PDK2: variants seen among roughly 807,000 people sequenced by gnomAD.
PDK2 encodes the protein pyruvate dehydrogenase kinase 2, also known as pyruvate dehydrogenase kinase, isozyme 2.
PDK2 carries 34 observed loss-of-function variants against 50.4 expected under a neutral mutation model. The observed-to-expected ratio is 0.68, with a 90% confidence interval of 0.51 to 0.90. PDK2 has a LOEUF of 0.90. Among genes scored for constraint, PDK2 ranks in the 40% least tolerant of loss-of-function variants. The probability of loss-of-function intolerance (pLI) is 0.00; values close to 1 mark genes in which losing one functional copy is unlikely to be tolerated. For synonymous variants in PDK2, 232 were observed against 216.0 expected (o/e 1.07, Z -0.65); for missense variants, 377 against 544.5 (o/e 0.69, Z 3.06).
chr17:50,099,846 T>C (rs1345549825), intron 2 of PDK2, among the ~76,000 whole-genome samples: 1 of 152,248 alleles, frequency 6.6e-6, no homozygotes, highest in African/African-American at 2.4e-5. Flanking sequence ...GAGGGATTGC[T>C]AAAGCATCCC....
chr17:50,108,042 G>A (rs1208029034), intron 6 of PDK2, 114 bp from the exon 7 acceptor site: 9 of 789,056 alleles, frequency 1.1e-5, no homozygotes, highest in East Asian at 2.7e-5. Flanking sequence ...TTAGTCTCTC[G>A]CTGGGCAGCC....
intron 6 of PDK2, chr17:50,107,860 G>C (rs1313029104): frequency 2.3e-6 from 1 of 436,970 alleles, no homozygotes; most frequent in Non-Finnish European, 4.2e-6. Flanking sequence ...TTACTTAAGA[G>C]GGAGGTTTCC....
intron 1 of PDK2, chr17:50,095,764 G>A (rs1909903017): frequency 5.0e-6 from 7 of 1,399,268 alleles, no homozygotes; most frequent in Non-Finnish European, 6.5e-6. Flanking sequence ...GCATTTACAA[G>A]GACGGTCCCG....
At position 50,107,874 on chromosome 17, in the gene PDK2, T is replaced by C. The variant is rs2144371442; in HGVS notation, c.686-282T>C. 6.5e-6 allele frequency: 3 copies of C among 460,672 alleles called. No homozygotes were observed. In the East Asian group the frequency reaches 1.2e-4, roughly 19 times the overall value. 28.5% of individuals were successfully genotyped at this position (460,672 alleles called of 1,614,324 possible). ...CTTACTTAAGAGGGAGGTTTCCCTC[T>C]CGCCAGCCCCTTGCTGGACAGGTCA... On this transcript the variant is annotated intron_variant, in intron 6 of 10. Transcript: ENST00000503176.
intron 2 of PDK2, chr17:50,102,043 C>T (rs1910259809): frequency 6.6e-6 from 1 of 152,296 alleles, no homozygotes. Flanking sequence ...TATATAAGCC[C>T]AGTTCTCTCT....
At chr17:50,107,652 G>A (rs1390549813) in intron 6 of PDK2, among the ~76,000 whole-genome samples, 1 of 152,196 alleles carries the variant, frequency 6.6e-6, no homozygotes, top group East Asian at 1.9e-4. Context: ...CATTCTCGTG[G>A]ACCTTACATT....
Position 50,110,117 on chromosome 17 carries a change from C to T in PDK2, c.*20C>T. 2 of 1,572,750 alleles carry T rather than the reference C, an allele frequency of 1.3e-6. No individual in the cohort carries two copies. Among genetic ancestry groups the T allele is most frequent in the Non-Finnish European group, 8.7e-7 (1 of 1,153,904 alleles). ...AGCTAAGGGCCGCCGTGCATCTGCACCTGAGAGGACGGACTGCCGCCTCTG... is the reference window on the plus strand; with the variant it reads ...AGCTAAGGGCCGCCGTGCATCTGCATCTGAGAGGACGGACTGCCGCCTCTG... On this transcript the variant is annotated 3_prime_UTR_variant, in exon 11 of 11. Coordinates refer to ENST00000503176, the MANE Select transcript of PDK2 (RefSeq NM_002611.5).
At chr17:50,102,515 C>T (rs1293820122) in intron 2 of PDK2, among the ~76,000 whole-genome samples, 1 of 152,114 alleles carries the variant, frequency 6.6e-6, no homozygotes, top group Admixed American at 6.5e-5. Context: ...TTCATCCCCA[C>T]CTGCCTCCTG....
chr17:50,108,754 T>C (rs1401967427), intron 9 of PDK2, 35 bp downstream of exon 9: 2 of 1,232,258 alleles, frequency 1.6e-6, no homozygotes, highest in South Asian at 1.3e-5. Context: ...TCCCACCTCC[T>C]GAGGGAGGCT....
chr17:50,095,519 G>C lies in PDK2; in HGVS notation c.84G>C (p.Pro28=). 1.2e-6 allele frequency: 2 copies of C among 1,606,720 alleles called. No homozygotes were observed. Among genetic ancestry groups the C allele is most frequent in the Non-Finnish European group, 1.7e-6 (2 of 1,176,756 alleles). The change falls in exon 1 of 11, where the codon CCG becomes CCC. Residue 28 remains proline (P), a synonymous_variant. Coordinates refer to ENST00000503176, the MANE Select transcript of PDK2 (RefSeq NM_002611.5). ...KYIEHFSKFS[P]SPLSMKQFLD... ...TAGAGCACTTCAGCAAGTTCTCCCC[G>C]TCCCCGCTGTCCATGAAGCAGTTTC...
intron 2 of PDK2, among the ~76,000 whole-genome samples, chr17:50,099,842 T>C (rs1910131834): frequency 6.6e-6 from 1 of 152,248 alleles, no homozygotes; most frequent in Non-Finnish European, 1.5e-5. Flanking sequence ...GGCCGAGGGA[T>C]TGCTAAAGCA....
intron 2 of PDK2, among the ~76,000 whole-genome samples, chr17:50,105,044 C>T (rs1910433294): frequency 1.3e-5 from 2 of 152,232 alleles, no homozygotes; most frequent in African/African-American, 4.8e-5. Flanking sequence ...CTCCCTGCCC[C>T]ATCTCAGCCT....
chr17:50,102,560 T>C (rs1226250741), intron 2 of PDK2, among the ~76,000 whole-genome samples: 1 of 151,908 alleles, frequency 6.6e-6, no homozygotes, highest in African/African-American at 2.4e-5. Context: ...GCAGTGGGTC[T>C]CCTCCCCCTC....
At chr17:50,099,222 C>G (rs1256383147) in intron 2 of PDK2, among the ~76,000 whole-genome samples, 1 of 152,142 alleles carries the variant, frequency 6.6e-6, no homozygotes, top group African/African-American at 2.4e-5. Context: ...GCTGCCTGAC[C>G]TGGCTGCCTC....
intron 1 of PDK2, chr17:50,096,154 C>A: frequency 1.0e-6 from 1 of 985,572 alleles, no homozygotes; most frequent in Non-Finnish European, 1.2e-6. Flanking sequence ...CCTAGCTGCC[C>A]CAGTGGGCAA....
rs1487690933 is a variant in PDK2 at position 50,109,366 on chromosome 17, A to C, written c.1049A>C (p.Glu350Ala). The C allele has an allele frequency of 6.2e-7, 1 of 1,613,392 alleles. No individual in the cohort carries two copies. The highest frequency in any genetic ancestry group is 8.5e-7 in the Non-Finnish European group (1 of 1,179,658). The change falls in exon 10 of 11, where the codon GAA becomes GCA. Residue 350 changes from glutamate (E) to alanine (A), a missense_variant. By Grantham distance (107) the Glu-to-Ala change is moderately radical. This residue lies in a region of PDK2 where 214 missense variants were observed against 294.0 expected (regional missense o/e 0.73). Transcript: ENST00000503176. The surrounding 1 kb of genome is among the most constrained non-coding windows in gnomAD (Gnocchi z 5.0). The stretch of plus-strand genomic sequence containing the variant: ...GGAGACCTGCAGCTCTTCTCCATGG[A>C]AGGCTTTGGGACCGATGCTGTCATC... ...FQGDLQLFSM[E>A]GFGTDAVIYL...
At chr17:50,096,298 C>T (rs1909939963) in intron 1 of PDK2, 2 of 985,362 alleles carry the variant, frequency 2.0e-6, no homozygotes, top group Admixed American at 1.2e-4. Flanking sequence ...TCAGGATCGC[C>T]CACTACCAGC....
chr17:50,109,953 C>A lies in PDK2; in HGVS notation c.1084-4C>A. The A allele has an allele frequency of 1.9e-6, 3 of 1,554,392 alleles. No homozygotes were observed. The highest frequency in any genetic ancestry group is 2.6e-6 in the Non-Finnish European group (3 of 1,147,504). ...TGGGAGGGGCTGACCCTGACACTCC[C>A]CAGGCCCTGTCCACGGACTCGGTGG... On this transcript the variant is annotated splice_region_variant and splice_polypyrimidine_tract_variant and intron_variant, in intron 10 of 10. Transcript: ENST00000503176. The surrounding 1 kb of genome is among the most constrained non-coding windows in gnomAD (Gnocchi z 5.0).
chr17:50,108,584 A>G, intron 8 of PDK2, 28 bp from the exon 9 acceptor site: 1 of 1,565,262 alleles, frequency 6.4e-7, no homozygotes, highest in East Asian at 2.3e-5. Flanking sequence ...AGCTGTAAAG[A>G]ATCCCTGACA....
Sources: allele counts gnomAD v4.1 joint callset (sites outside exome capture counted in the v4.1 genomes callset), GRCh38; gene constraint gnomAD v4.1.1; regional missense constraint gnomAD v4.1.1; non-coding constraint Gnocchi (gnomAD v3.1); transcripts MANE v1.5; gene names NCBI Gene and HGNC (gene_info 2026-07-23, HGNC 2026-07-21).